The following TP63 variants were observed in gnomAD, a reference collection of about 807,000 sequenced individuals.
TP63 encodes tumor protein 63.
In TP63, 17 loss-of-function variants were observed where a neutral mutation model predicts 82.8. That is an observed-to-expected ratio of 0.21 (90% CI 0.14 to 0.31). TP63 has a LOEUF of 0.31. TP63 is among the 10% of genes least tolerant of loss of function. The pLI is 1.00. For missense variants in TP63, 648 were observed against 895.3 expected, an observed-to-expected ratio of 0.72 and a Z score of 3.52; for synonymous variants, 330 against 321.7, an observed-to-expected ratio of 1.03 and a Z score of -0.28.
At chr3:189,607,297 A>G in the TP63 span, among the ~76,000 whole-genome samples, 1,020 of 152,354 alleles carry the variant, frequency 6.7e-3, 12 homozygotes, top group Non-Finnish European at 0.011. Flanking sequence ...TAGTTTAGTT[A>G]CTGTTAATTT....
intron 1 of TP63, among the ~76,000 whole-genome samples, chr3:189,638,683 A>G (rs185536596): frequency 2.0e-5 from 3 of 152,242 alleles, no homozygotes; most frequent in East Asian, 1.9e-4. Flanking sequence ...CTGTAAGACA[A>G]TTTTGATTCG....
intron 3 of TP63, among the ~76,000 whole-genome samples, chr3:189,745,571 A>G (rs1460530637): frequency 1.3e-5 from 2 of 151,596 alleles, no homozygotes; most frequent in African/African-American, 4.8e-5. Context: ...GCTGGGCGTG[A>G]TGGCGCATGC....
At chr3:189,620,714 A>G in the TP63 span, among the ~76,000 whole-genome samples, 1 of 152,188 alleles carries the variant, frequency 6.6e-6, no homozygotes, top group African/African-American at 2.4e-5. Flanking sequence ...TACTAGGTTC[A>G]GTCCTTGGTT....
intron 1 of TP63, among the ~76,000 whole-genome samples, chr3:189,639,317 G>A (rs1577156963): frequency 6.6e-6 from 1 of 152,146 alleles, no homozygotes; most frequent in Non-Finnish European, 1.5e-5. Context: ...TTATTGGTTA[G>A]TCAAGGTTTT....
At chr3:189,889,773 T>C (rs1720829917) in intron 12 of TP63, among the ~76,000 whole-genome samples, 1 of 152,220 alleles carries the variant, frequency 6.6e-6, no homozygotes, top group South Asian at 2.1e-4. Context: ...CATTTTTACA[T>C]TGTCAATTGC....
At chr3:189,675,228 G>A (rs1219741310) in intron 1 of TP63, among the ~76,000 whole-genome samples, 3 of 152,064 alleles carry the variant, frequency 2.0e-5, no homozygotes, top group Non-Finnish European at 4.4e-5. Context: ...TCATAACTCA[G>A]TCATCTCCCA....
chr3:189,679,210 A>G (rs1159132712), intron 1 of TP63, among the ~76,000 whole-genome samples: 1 of 152,026 alleles, frequency 6.6e-6, no homozygotes, highest in African/African-American at 2.4e-5. Context: ...AGAAACTTTT[A>G]TACTGGTTTT....
chr3:189,642,178 T>C (rs950592703), intron 1 of TP63, among the ~76,000 whole-genome samples: 2 of 152,206 alleles, frequency 1.3e-5, no homozygotes, highest in African/African-American at 4.8e-5. Flanking sequence ...AGTTAATAGA[T>C]GTAAGATGAT....
intron 1 of TP63, among the ~76,000 whole-genome samples, chr3:189,678,808 T>C (rs1715665088): frequency 6.6e-6 from 1 of 152,194 alleles, no homozygotes; most frequent in Middle Eastern, 3.4e-3. Flanking sequence ...GTTTTCCTTG[T>C]AGAGACCTTT....
intron 3 of TP63, among the ~76,000 whole-genome samples, chr3:189,749,067 A>G (rs912018401): frequency 2.6e-5 from 4 of 152,110 alleles, no homozygotes; most frequent in South Asian, 4.1e-4. Context: ...CCTTAAAACT[A>G]TAAACTACTA....
rs527369321 is a variant in TP63, at chr3:189,644,991, C to G, written c.62+13414C>G. ...CCACCCAATTCAGTTTGAGACAGAGCAACAGAGGCACTGTAAGGGACTATG... is the reference window on the plus strand; with the variant it reads ...CCACCCAATTCAGTTTGAGACAGAGGAACAGAGGCACTGTAAGGGACTATG... On this transcript the variant is annotated intron_variant, in intron 1 of 13. Transcript: ENST00000264731. 4.0e-5 allele frequency among the ~76,000 whole-genome samples: 6 copies of G among 151,590 alleles called. No individual in the cohort carries two copies. The South Asian group carries it at 1.2e-3, about 32-fold the overall frequency.
intron 4 of TP63, among the ~76,000 whole-genome samples, chr3:189,809,006 A>T (rs1727244388): frequency 6.6e-6 from 1 of 152,212 alleles, no homozygotes; most frequent in Admixed American, 6.5e-5. Flanking sequence ...TGAAGGAAGG[A>T]TGAATATGTT....
intron 4 of TP63, among the ~76,000 whole-genome samples, chr3:189,812,445 C>T (rs1727671798): frequency 6.6e-6 from 1 of 152,174 alleles, no homozygotes; most frequent in Non-Finnish European, 1.5e-5. Context: ...ATACTAGTTA[C>T]AGAGGCCTAT....
chr3:189,738,543 G>T, intron 2 of TP63, 99 bp from the exon 3 acceptor site: 3 of 1,569,726 alleles, frequency 1.9e-6, no homozygotes, highest in Non-Finnish European at 2.6e-6. Context: ...AATGAGCCTT[G>T]CTGACTTTGA....
chr3:189,706,927 T>A (rs1718246704), intron 1 of TP63, among the ~76,000 whole-genome samples: 1 of 152,354 alleles, frequency 6.6e-6, no homozygotes, highest in East Asian at 1.9e-4. Context: ...CAATTTCTCC[T>A]ACACGCTGAA....
At chr3:189,734,862 C>A (rs900928222) in intron 1 of TP63, among the ~76,000 whole-genome samples, 2 of 152,116 alleles carry the variant, frequency 1.3e-5, no homozygotes, top group African/African-American at 2.4e-5. Flanking sequence ...CTTACCATGC[C>A]ATTCCCTTTC....
chr3:189,731,046 T>C (rs1720130612), intron 1 of TP63, among the ~76,000 whole-genome samples: 1 of 149,826 alleles, frequency 6.7e-6, no homozygotes, highest in African/African-American at 2.4e-5. Flanking sequence ...TATTGGACTA[T>C]AGATAAAGAC....
At chr3:189,664,798 T>C (rs1196887213) in intron 1 of TP63, among the ~76,000 whole-genome samples, 1 of 152,180 alleles carries the variant, frequency 6.6e-6, no homozygotes, top group East Asian at 1.9e-4. Flanking sequence ...TGTTTTTATG[T>C]AATGTTTAAG....
At chr3:189,629,170 C>G (rs35139818), upstream of TP63, among the ~76,000 whole-genome samples, 20,035 of 151,860 alleles carry the variant, frequency 0.13, 1,744 homozygotes, top group East Asian at 0.44. Context: ...TTGAGTCCAG[C>G]AGTTTGAGAC....
Sources: gnomAD v4.1 joint callset for allele counts (sites outside exome capture counted in the v4.1 genomes callset) on GRCh38, gnomAD v4.1.1 for gene constraint, MANE v1.5 for transcripts, NCBI Gene and HGNC (gene_info 2026-07-23, HGNC 2026-07-21) for gene names.